Variants in PTPRD observed in about 807,000 individuals in gnomAD.
PTPRD encodes receptor-type tyrosine-protein phosphatase delta.
A neutral mutation model predicts 214.5 loss-of-function variants in PTPRD; 34 were observed. The observed-to-expected ratio is 0.16, with a 90% CI of 0.12 to 0.21. The LOEUF is 0.21. Ranked by LOEUF, PTPRD falls within the 10% of genes least tolerant of loss-of-function variation. The probability of loss-of-function intolerance (pLI) is 1.00; values close to 1 mark genes in which losing one functional copy is unlikely to be tolerated. For missense variants in PTPRD, 2,545 were observed against 2,398.7 expected (o/e 1.06, Z -1.27); for synonymous variants, 1,128 against 845.7 (o/e 1.33, Z -5.79).
At chr9:9,628,566 G>T (rs1346608877) in intron 7 of PTPRD, among the ~76,000 whole-genome samples, 1 of 152,114 alleles carries the variant, frequency 6.6e-6, no homozygotes, top group Non-Finnish European at 1.5e-5. Flanking sequence ...CTTGGCAAAA[G>T]CTTTATTATT....
At chr9:9,881,601 G>A (rs2068713573) in intron 5 of PTPRD, among the ~76,000 whole-genome samples, 1 of 152,064 alleles carries the variant, frequency 6.6e-6, no homozygotes, top group Non-Finnish European at 1.5e-5. Context: ...AGTTAGCTTT[G>A]GAACTTCAGT....
At chr9:10,577,729 A>G (rs1254890265) in intron 2 of PTPRD, among the ~76,000 whole-genome samples, 1 of 152,202 alleles carries the variant, frequency 6.6e-6, no homozygotes, top group Non-Finnish European at 1.5e-5. Context: ...AAAAATCAAC[A>G]TAGAACTTAA....
chr9:9,589,463 T>C (rs2092478524), intron 7 of PTPRD, among the ~76,000 whole-genome samples: 1 of 151,998 alleles, frequency 6.6e-6, no homozygotes, highest in African/African-American at 2.4e-5. Context: ...TTAAGACAGG[T>C]TGCTGGTGTT....
chr9:8,654,623 T>C (rs966432357), intron 12 of PTPRD, among the ~76,000 whole-genome samples: 6 of 152,164 alleles, frequency 3.9e-5, no homozygotes, highest in East Asian at 1.9e-4. Flanking sequence ...AAAGATTATA[T>C]TCCCTCTGTC....
intron 30 of PTPRD, among the ~76,000 whole-genome samples, chr9:8,473,069 A>C (rs2096687575): frequency 1.3e-5 from 2 of 152,168 alleles, no homozygotes; most frequent in Admixed American, 1.3e-4. Flanking sequence ...CATCTGAACT[A>C]TCTTATTCAG....
At chr9:8,521,572 T>A (rs751729931) in intron 19 of PTPRD, 26 bp from the exon 20 acceptor site, 3 of 1,607,214 alleles carry the variant, frequency 1.9e-6, no homozygotes, top group Non-Finnish European at 2.6e-6. Context: ...AGGGAAATGA[T>A]AACATATACA....
chr9:9,804,268 T>C (rs146066711), intron 5 of PTPRD, among the ~76,000 whole-genome samples: 2 of 152,202 alleles, frequency 1.3e-5, no homozygotes, highest in African/African-American at 4.8e-5. Context: ...TCATGCAATA[T>C]TTCATAAAAT....
intron 33 of PTPRD, among the ~76,000 whole-genome samples, chr9:8,456,261 C>T (rs2096198210): frequency 6.6e-6 from 1 of 152,194 alleles, no homozygotes; most frequent in Admixed American, 6.5e-5. Flanking sequence ...GTAGGTTCTA[C>T]AACAGACAAG....
At chr9:8,320,087 AG>A (rs1387329970) in intron 44 of PTPRD, 121 bp from the exon 45 acceptor site, 71 of 1,223,836 alleles carry the variant, frequency 5.8e-5, no homozygotes, top group Non-Finnish European at 7.6e-5. Context: ...AGCCATATTC[AG>A]GAAAACATGG....
chr9:8,487,250 G>C (rs1022192661), intron 27 of PTPRD, among the ~76,000 whole-genome samples: 1 of 152,068 alleles, frequency 6.6e-6, no homozygotes, highest in Non-Finnish European at 1.5e-5. Flanking sequence ...TATGGTGAAA[G>C]GCTAGCTTCC....
In PTPRD at chr9:10,156,831, T is replaced by C. The variant is rs145280288; in HGVS notation, c.-544-123041A>G. Reference sequence around the variant, plus strand: ...TCTGAGTGCTCGTATGTTGAGTGCATATATATTTAGGATAGTTAGGTCTTC... The same window carrying C: ...TCTGAGTGCTCGTATGTTGAGTGCACATATATTTAGGATAGTTAGGTCTTC... On this transcript the variant is annotated intron_variant, in intron 3 of 45. Coordinates refer to ENST00000381196, the MANE Select transcript of PTPRD (RefSeq NM_002839.4). 5.7e-3 allele frequency among the ~76,000 whole-genome samples: 861 copies of C among 152,284 alleles called. 8 individuals are homozygous for C. The highest frequency in any genetic ancestry group is 0.016 in the African/African-American group (663 of 41,564).
At chr9:9,179,662 CA>C (rs1310694371) in intron 10 of PTPRD, among the ~76,000 whole-genome samples, 1 of 152,090 alleles carries the variant, frequency 6.6e-6, no homozygotes, top group Non-Finnish European at 1.5e-5. Flanking sequence ...AAAAAGTTTA[CA>C]GTCATAGACA....
chr9:8,940,289 T>TTTTTG (rs77604704), intron 11 of PTPRD, among the ~76,000 whole-genome samples: 13 of 127,844 alleles, frequency 1.0e-4, no homozygotes, highest in Non-Finnish European at 2.0e-4. Context: ...CCTTTTTTTT[T>TTTTTG]TTTTTTTTTT....
intron 10 of PTPRD, among the ~76,000 whole-genome samples, chr9:9,116,201 T>A (rs2099812218): frequency 6.6e-6 from 1 of 152,074 alleles, no homozygotes; most frequent in African/African-American, 2.4e-5. Context: ...ACTCCCTGAA[T>A]CTAAAATAAA....
chr9:8,734,680 A>C (rs1290438141), intron 11 of PTPRD, among the ~76,000 whole-genome samples: 1 of 152,230 alleles, frequency 6.6e-6, no homozygotes, highest in Non-Finnish European at 1.5e-5. Flanking sequence ...AGGCATCAAG[A>C]GTGACAGCAC....
intron 10 of PTPRD, among the ~76,000 whole-genome samples, chr9:9,079,687 G>A (rs2099756303): frequency 6.6e-6 from 1 of 152,036 alleles, no homozygotes; most frequent in African/African-American, 2.4e-5. Flanking sequence ...CCTTTGGCAG[G>A]CAGCTCTTGA....
intron 11 of PTPRD, among the ~76,000 whole-genome samples, chr9:8,891,739 G>C (rs1003787672): frequency 2.0e-5 from 3 of 152,240 alleles, no homozygotes; most frequent in Non-Finnish European, 4.4e-5. Flanking sequence ...TTTGTCATGA[G>C]TAAATGCATT....
At chr9:10,391,157 C>T (rs901947359) in intron 2 of PTPRD, among the ~76,000 whole-genome samples, 26 of 151,708 alleles carry the variant, frequency 1.7e-4, no homozygotes, top group African/African-American at 6.0e-4. Flanking sequence ...AGTTGGAAAT[C>T]AGGAGTAATT....
intron 14 of PTPRD, among the ~76,000 whole-genome samples, chr9:8,535,273 C>G (rs2076652018): frequency 6.6e-6 from 1 of 151,724 alleles, no homozygotes; most frequent in Non-Finnish European, 1.5e-5. Context: ...AGTAGTGCAG[C>G]AATAAACTGC....
Sources: gnomAD v4.1 joint callset for allele counts (sites outside exome capture counted in the v4.1 genomes callset) on GRCh38, gnomAD v4.1.1 for gene constraint, MANE v1.5 for transcripts, NCBI Gene and HGNC (gene_info 2026-07-23, HGNC 2026-07-21) for gene names.